CELF4: variants seen among roughly 807,000 people sequenced by gnomAD.
CELF4 encodes the protein CUGBP Elav-like family member 4.
CELF4 carries 18 observed loss-of-function variants against 59.9 expected under a neutral mutation model. The ratio of observed to expected loss-of-function variants is 0.30; its 90% CI spans 0.21 to 0.45. The LOEUF is 0.45. CELF4 is among the 20% of genes least tolerant of loss of function. The pLI, the probability that CELF4 is intolerant of heterozygous loss-of-function variation, is 1.00. For missense variants in CELF4, 456 were observed against 689.0 expected (o/e 0.66, Z 3.79); for synonymous variants, 261 against 267.1 (o/e 0.98, Z 0.22).
At chr18:37,517,052 C>T (rs2099951489) in intron 1 of CELF4, among the ~76,000 whole-genome samples, 1 of 152,200 alleles carries the variant, frequency 6.6e-6, no homozygotes, top group Admixed American at 6.5e-5. Context: ...CATGCATGCC[C>T]CATCCAAGCA....
intron 2 of CELF4, among the ~76,000 whole-genome samples, chr18:37,461,075 T>C (rs1016568524): frequency 1.4e-4 from 21 of 152,218 alleles, no homozygotes; most frequent in African/African-American, 4.8e-4. Flanking sequence ...TGCTGTCTAT[T>C]GCATGCCTGC....
intron 2 of CELF4, among the ~76,000 whole-genome samples, chr18:37,433,913 G>A (rs772449568): frequency 2.6e-5 from 4 of 152,244 alleles, no homozygotes; most frequent in Non-Finnish European, 5.9e-5. Flanking sequence ...ATCCCTACAA[G>A]AGGCAGAGTT....
chr18:37,394,278 A>T (rs1024981085), intron 2 of CELF4, among the ~76,000 whole-genome samples: 12 of 152,232 alleles, frequency 7.9e-5, no homozygotes, highest in African/African-American at 2.9e-4. Flanking sequence ...AGGGAGAGGG[A>T]CGCGGGGCGG....
intron 2 of CELF4, among the ~76,000 whole-genome samples, chr18:37,347,652 A>C (rs1024526830): frequency 6.6e-6 from 1 of 152,090 alleles, no homozygotes; most frequent in African/African-American, 2.4e-5. Flanking sequence ...TGCGGGCATC[A>C]AGCCAGCCCC....
At chr18:37,331,147 C>A (rs58184699) in intron 2 of CELF4, among the ~76,000 whole-genome samples, 1 of 152,192 alleles carries the variant, frequency 6.6e-6, no homozygotes, top group African/African-American at 2.4e-5. Flanking sequence ...TCCAGCGCTG[C>A]GCTGCCTGGG....
rs541881767 is a variant in CELF4, at chr18:37,404,470, A to C, written c.369+81055T>G. The stretch of plus-strand genomic sequence containing the variant: ...AGGATCTGGGGCATAGACACAGGGC[A>C]GGGAACTTGGAAAACAGGAGTCCAG... On this transcript the variant is annotated intron_variant, in intron 2 of 12. Coordinates refer to ENST00000420428, the MANE Select transcript of CELF4 (RefSeq NM_020180.4). 1.1e-4 allele frequency among the ~76,000 whole-genome samples: 17 copies of C among 152,370 alleles called. No homozygotes were observed. The South Asian group carries it at 3.5e-3, about 32-fold the overall frequency.
At chr18:37,326,175 G>A (rs540516414) in intron 2 of CELF4, among the ~76,000 whole-genome samples, 2 of 152,286 alleles carry the variant, frequency 1.3e-5, no homozygotes, top group Admixed American at 6.5e-5. Flanking sequence ...CAGAGCGAGG[G>A]GAGAGGTGAA....
At chr18:37,554,801 G>A (rs1373973413) in intron 1 of CELF4, among the ~76,000 whole-genome samples, 3 of 152,156 alleles carry the variant, frequency 2.0e-5, no homozygotes, top group African/African-American at 7.2e-5. Context: ...GAAGGGCCAG[G>A]GACGTCCTGA....
At chr18:37,482,867 G>T (rs530584865) in intron 2 of CELF4, among the ~76,000 whole-genome samples, 1 of 152,326 alleles carries the variant, frequency 6.6e-6, no homozygotes, top group Non-Finnish European at 1.5e-5. Context: ...TCCTCAGCGA[G>T]AAAGTGGAGG....
At chr18:37,440,751 A>C (rs920998918) in intron 2 of CELF4, among the ~76,000 whole-genome samples, 10 of 151,716 alleles carry the variant, frequency 6.6e-5, no homozygotes, top group South Asian at 2.1e-4. Flanking sequence ...CAACCTATTT[A>C]CCCCTTGCAA....
chr18:37,393,476 A>C (rs2099192258), intron 2 of CELF4, among the ~76,000 whole-genome samples: 1 of 152,130 alleles, frequency 6.6e-6, no homozygotes, highest in African/African-American at 2.4e-5. Context: ...AGCCCTTTGG[A>C]CACTTGGGCC....
At chr18:37,445,275 A>G (rs1184020894) in intron 2 of CELF4, among the ~76,000 whole-genome samples, 1 of 151,982 alleles carries the variant, frequency 6.6e-6, no homozygotes, top group Non-Finnish European at 1.5e-5. Context: ...TTTGCTGGAC[A>G]TCCTGCCCCA....
chr18:37,361,826 T>G (rs1475614239), intron 2 of CELF4, among the ~76,000 whole-genome samples: 1 of 138,502 alleles, frequency 7.2e-6, no homozygotes, highest in African/African-American at 2.6e-5. Flanking sequence ...ATTAGAGCCA[T>G]TCTAGTGGCA....
rs1385576438 is a variant in CELF4 at position 37,371,747 on chromosome 18, G to A, written c.370-49866C>T. On this transcript the variant is annotated intron_variant, in intron 2 of 12. Transcript: ENST00000420428. ...GCTGGCCCAGGATGGAATAAAAACA[G>A]CCAGAGAGGGCTTGGGGCAGTCATT... Among the ~76,000 whole-genome samples the A allele has an allele frequency of 2.0e-5, 3 of 152,184 alleles. No individual in the cohort carries two copies. The East Asian group carries it at 5.8e-4, about 29-fold the overall frequency.
intron 2 of CELF4, among the ~76,000 whole-genome samples, chr18:37,450,799 C>T (rs932719331): frequency 1.3e-5 from 2 of 152,164 alleles, no homozygotes; most frequent in African/African-American, 4.8e-5. Flanking sequence ...CTCCTTGGGA[C>T]GTTCCTGGGT....
chr18:37,267,630 C>T (rs2078312814), intron 8 of CELF4, among the ~76,000 whole-genome samples: 1 of 152,176 alleles, frequency 6.6e-6, no homozygotes, highest in African/African-American at 2.4e-5. Flanking sequence ...TCAACTCAGG[C>T]CAGCTAAGCT....
At chr18:37,446,830 C>A (rs141821461) in intron 2 of CELF4, among the ~76,000 whole-genome samples, 6 of 152,092 alleles carry the variant, frequency 3.9e-5, no homozygotes, top group African/African-American at 1.4e-4. Flanking sequence ...CTGGGCAGCA[C>A]AATTAAGTCA....
intron 2 of CELF4, among the ~76,000 whole-genome samples, chr18:37,367,852 G>T (rs1231220669): frequency 6.6e-6 from 1 of 152,156 alleles, no homozygotes; most frequent in Non-Finnish European, 1.5e-5. Context: ...TAACGCTGCT[G>T]CGTTGCCAAG....
chr18:37,510,648 G>A (rs2099943193), intron 1 of CELF4, among the ~76,000 whole-genome samples: 1 of 152,232 alleles, frequency 6.6e-6, no homozygotes, highest in Non-Finnish European at 1.5e-5. Flanking sequence ...GGTCTGAGGG[G>A]GTGGACTTCA....
Sources: allele counts gnomAD v4.1 joint callset (sites outside exome capture counted in the v4.1 genomes callset), GRCh38; gene constraint gnomAD v4.1.1; transcripts MANE v1.5; gene names NCBI Gene and HGNC (gene_info 2026-07-23, HGNC 2026-07-21).